EPHA3: variants seen among roughly 807,000 people sequenced by gnomAD.
The protein encoded by EPHA3 is EPH receptor A3, also known as ephrin type-A receptor 3.
EPHA3 carries 42 observed loss-of-function variants against 107.1 expected under a neutral mutation model. The ratio of observed to expected loss-of-function variants is 0.39; its 90% CI spans 0.31 to 0.51. The LOEUF is 0.51. Ranked by LOEUF, EPHA3 falls within the 20% of genes least tolerant of loss-of-function variation. The pLI is 0.78. For missense variants in EPHA3, 1,183 were observed against 1,211.2 expected (o/e 0.98, Z 0.35); for synonymous variants, 461 against 424.8 (o/e 1.09, Z -1.05).
At chr3:89,224,000 G>C (rs1307705329) in intron 3 of EPHA3, among the ~76,000 whole-genome samples, 5 of 152,078 alleles carry the variant, frequency 3.3e-5, no homozygotes, top group Admixed American at 1.3e-4. Context: ...CAGCTTTTGT[G>C]TGAATAATGA....
chr3:89,418,192 T>C (rs1709284944), intron 10 of EPHA3, among the ~76,000 whole-genome samples: 1 of 151,438 alleles, frequency 6.6e-6, no homozygotes. Flanking sequence ...ATATAATTAA[T>C]TCTAAAATAT....
At chr3:89,377,441 G>A (rs546848504) in intron 5 of EPHA3, among the ~76,000 whole-genome samples, 14 of 152,188 alleles carry the variant, frequency 9.2e-5, no homozygotes, top group African/African-American at 3.1e-4. Flanking sequence ...CCATTTAACA[G>A]TTATTCCTAA....
At chr3:89,277,197 G>T (rs1705827526) in intron 3 of EPHA3, among the ~76,000 whole-genome samples, 1 of 152,012 alleles carries the variant, frequency 6.6e-6, no homozygotes, top group South Asian at 2.1e-4. Flanking sequence ...CTAAATAATG[G>T]TTTCTTCATC....
At chr3:89,208,582 A>G (rs1020443523) in intron 2 of EPHA3, among the ~76,000 whole-genome samples, 4 of 128,412 alleles carry the variant, frequency 3.1e-5, no homozygotes, top group Admixed American at 8.8e-5. Flanking sequence ...AAGAGAAAGA[A>G]AGAAAGAAAG....
chr3:89,159,292 G>A (rs1704870081), intron 2 of EPHA3, among the ~76,000 whole-genome samples: 1 of 152,064 alleles, frequency 6.6e-6, no homozygotes, highest in Admixed American at 6.6e-5. Flanking sequence ...TTAGTTGTAA[G>A]CATTGGAAAC....
chr3:89,162,928 A>G (rs2107075807), intron 2 of EPHA3, among the ~76,000 whole-genome samples: 1 of 152,344 alleles, frequency 6.6e-6, no homozygotes, highest in East Asian at 1.9e-4. Flanking sequence ...CCGGGGCTGC[A>G]GTCCTTCAAT....
intron 2 of EPHA3, among the ~76,000 whole-genome samples, chr3:89,177,540 ACTTCCTTT>A: frequency 6.6e-6 from 1 of 152,168 alleles, no homozygotes; most frequent in East Asian, 1.9e-4. Context: ...GTGAAGGGTT[ACTTCCTTT>A]CTCTTTTAGG....
At position 89,124,927 on chromosome 3, in the gene EPHA3, T is replaced by C. The variant is rs118131480; in HGVS notation, c.89-2282T>C. Among the ~76,000 whole-genome samples, 7 of 152,060 alleles carry C rather than the reference T, an allele frequency of 4.6e-5. No homozygotes were observed. The East Asian group carries it at 1.2e-3, about 25-fold the overall frequency. On this transcript the variant is annotated intron_variant, in intron 1 of 16. Transcript: ENST00000336596. ...GTCTAACCTATTTTGGTTTATTTGTTCTCCTTTGAGTAGAAACCAAATGCT... is the reference window on the plus strand; with the variant it reads ...GTCTAACCTATTTTGGTTTATTTGTCCTCCTTTGAGTAGAAACCAAATGCT...
chr3:89,415,077 C>T (rs1326038664), intron 10 of EPHA3, among the ~76,000 whole-genome samples: 1 of 151,528 alleles, frequency 6.6e-6, no homozygotes, highest in Non-Finnish European at 1.5e-5. Context: ...ACAATATACA[C>T]ACCCAATTCT....
chr3:89,235,182 A>G (rs1197837432), intron 3 of EPHA3, among the ~76,000 whole-genome samples: 1 of 151,870 alleles, frequency 6.6e-6, no homozygotes, highest in Non-Finnish European at 1.5e-5. Context: ...TCGACGTCCC[A>G]AAGTGCTGGG....
At chr3:89,131,359 CAT>C (rs1373898889) in intron 2 of EPHA3, among the ~76,000 whole-genome samples, 12 of 152,182 alleles carry the variant, frequency 7.9e-5, no homozygotes, top group Non-Finnish European at 1.5e-4. Flanking sequence ...ACAATCAACA[CAT>C]ATCAAAGCCT....
chr3:89,250,002 C>T (rs759540181), intron 3 of EPHA3, among the ~76,000 whole-genome samples: 2 of 152,124 alleles, frequency 1.3e-5, no homozygotes, highest in Non-Finnish European at 2.9e-5. Flanking sequence ...TGTTACATCA[C>T]CAGACTTACT....
intron 2 of EPHA3, among the ~76,000 whole-genome samples, chr3:89,163,406 T>A (rs1411044241): frequency 6.6e-6 from 1 of 152,056 alleles, no homozygotes; most frequent in East Asian, 1.9e-4. Flanking sequence ...AATAAGGAAA[T>A]AAGAAAGCTT....
chr3:89,197,883 G>A (rs1705874622), intron 2 of EPHA3, among the ~76,000 whole-genome samples: 2 of 152,030 alleles, frequency 1.3e-5, no homozygotes, highest in South Asian at 4.1e-4. Context: ...GGCTGAGGGG[G>A]GAGAATCGCT....
In EPHA3 at chr3:89,413,143, A is replaced by G. The variant is rs772998374; in HGVS notation, c.1765A>G (p.Lys589Glu). The G allele has an allele frequency of 6.2e-7, 1 of 1,611,032 alleles. No homozygotes were observed. Among genetic ancestry groups the G allele is most frequent in the African/African-American group, 1.3e-5 (1 of 74,764 alleles). The change falls in exon 10 of 17, where the codon AAA (lysine) becomes GAA (glutamate). Residue 589 changes from lysine to glutamate, a missense_variant and splice_region_variant. Coordinates refer to ENST00000336596, the MANE Select transcript of EPHA3 (RefSeq NM_005233.6). Reference sequence around the variant, plus strand: ...CCTTTCTTTCTTTCCTCAAACAGTAAAACTTCCAGGTCTCAGGACTTATGT... The same window carrying G: ...CCTTTCTTTCTTTCCTCAAACAGTAGAACTTCCAGGTCTCAGGACTTATGT... Reference protein sequence around the residue: ...KRLHFGNGHLKLPGLRTYVDP... With the variant: ...KRLHFGNGHLELPGLRTYVDP...
chr3:89,447,643 C>T (rs796449203), intron 13 of EPHA3, among the ~76,000 whole-genome samples: 11 of 152,274 alleles, frequency 7.2e-5, no homozygotes, highest in African/African-American at 2.2e-4. Flanking sequence ...ACAGTTTTCT[C>T]CTCTGTGCTT....
chr3:89,322,574 G>C (rs1707069462), intron 3 of EPHA3, among the ~76,000 whole-genome samples: 1 of 152,134 alleles, frequency 6.6e-6, no homozygotes, highest in Admixed American at 6.6e-5. Context: ...GAGATGTAGA[G>C]GGAAGGCAGC....
At chr3:89,213,608 C>A (rs369904044) in intron 3 of EPHA3, among the ~76,000 whole-genome samples, 3 of 151,970 alleles carry the variant, frequency 2.0e-5, no homozygotes, top group Admixed American at 6.6e-5. Flanking sequence ...AATATTTTTA[C>A]GGTACCAAAG....
Position 89,429,012 on chromosome 3 carries a change from T to C in EPHA3, c.2075-94T>C. On this transcript the variant is annotated intron_variant, in intron 11 of 16. Coordinates refer to ENST00000336596, the MANE Select transcript of EPHA3 (RefSeq NM_005233.6). ...AAGACAGGCAAAGTTCTTACATCTCTATAATCCTCAGGTAAATCCAACTAT... is the reference window on the plus strand; with the variant it reads ...AAGACAGGCAAAGTTCTTACATCTCCATAATCCTCAGGTAAATCCAACTAT... 3 of 789,276 alleles carry C rather than the reference T, an allele frequency of 3.8e-6. No individual in the cohort carries two copies. The East Asian group carries it at 9.1e-5, about 24-fold the overall frequency. 48.9% of individuals were successfully genotyped at this position (789,276 alleles called of 1,614,324 possible).
Sources: allele counts gnomAD v4.1 joint callset (sites outside exome capture counted in the v4.1 genomes callset), GRCh38; gene constraint gnomAD v4.1.1; transcripts MANE v1.5; gene names NCBI Gene and HGNC (gene_info 2026-07-23, HGNC 2026-07-21).